BRD9: variants seen among roughly 807,000 people sequenced by gnomAD.
BRD9 encodes the protein bromodomain containing 9.
A neutral mutation model predicts 68.7 loss-of-function variants in BRD9; 47 were observed. That is an observed-to-expected ratio of 0.68 (90% confidence interval 0.54 to 0.87). The LOEUF is 0.87. BRD9 is among the 40% of genes least tolerant of loss of function. BRD9 has a pLI of 0.00. For missense variants in BRD9, 670 were observed against 748.4 expected (o/e 0.90, Z 1.22); for synonymous variants, 313 against 293.9 (o/e 1.06, Z -0.67).
rs1218268822 is a variant in BRD9, at chr5:869,404, A to G, written c.1525+1069T>C. ...TGATAGATGGCAGGCCCTGAAAGAAACTGAGTATTTTATCTCAAAATATAT... is the reference window on the plus strand; with the variant it reads ...TGATAGATGGCAGGCCCTGAAAGAAGCTGAGTATTTTATCTCAAAATATAT... On this transcript the variant is annotated intron_variant, in intron 14 of 15. Coordinates refer to ENST00000467963, the MANE Select transcript of BRD9 (RefSeq NM_023924.5). 3 of 454,620 alleles carry G rather than the reference A, an allele frequency of 6.6e-6. No homozygotes were observed. In the East Asian group the frequency reaches 2.1e-4, roughly 32 times the overall value. The allele number at this position is 454,620 out of a possible 1,614,324, so 28.2% of individuals were successfully genotyped here.
rs754726254 is a variant in BRD9 at position 889,575 on chromosome 5, GC to G, written c.461+11del. ...CCCCAGACACTAGCTCTTCAGAAAC[GC>G]CCCGGTTTACCTCTGAAGCTGGCGG... is the stretch of plus-strand genomic sequence containing the variant. On this transcript the variant is annotated intron_variant, in intron 4 of 15. Coordinates refer to ENST00000467963, the MANE Select transcript of BRD9 (RefSeq NM_023924.5). 1 of 1,613,184 alleles carries G rather than the reference GC, an allele frequency of 6.2e-7. No homozygotes were observed. Among genetic ancestry groups the G allele is most frequent in the Non-Finnish European group, 8.5e-7 (1 of 1,179,468 alleles).
chr5:869,029 C>T, intron 14 of BRD9: 2 of 259,702 alleles, frequency 7.7e-6, no homozygotes, highest in Non-Finnish European at 1.5e-5. Flanking sequence ...GTCTGTGCTT[C>T]CGACTAACCA....
chr5:876,270 G>A lies in BRD9; in HGVS notation c.1272-58C>T, dbSNP rs1306097677. ...GGAGCCCTTGTCGCCTGGCCCTCGC[G>A]GCAGCCCTGATCACAGAAGCCTGCC... On this transcript the variant is annotated intron_variant, in intron 11 of 15. Transcript: ENST00000467963. The A allele has an allele frequency of 9.6e-6, 13 of 1,359,098 alleles. No individual in the cohort carries two copies. The East Asian group carries it at 1.4e-4, about 15-fold the overall frequency. The allele number at this position is 1,359,098 out of a possible 1,614,324, so 84.2% of individuals were successfully genotyped here.
intron 1 of BRD9, 181 bp from the exon 2 acceptor site, chr5:892,035 C>T: frequency 9.9e-7 from 1 of 1,005,412 alleles, no homozygotes; most frequent in Non-Finnish European, 1.4e-6. Context: ...CCTTGTTCTC[C>T]CTTCCCCTCC....
rs374226502 is a variant in BRD9, at chr5:864,530, C to A, written c.1732G>T (p.Val578Phe). 2.1e-5 allele frequency: 34 copies of A among 1,614,020 alleles called. No homozygotes were observed. The highest frequency in any genetic ancestry group is 2.9e-5 in the Non-Finnish European group (34 of 1,179,938). Residue 578 changes from valine (V) to phenylalanine (F), a missense_variant, in exon 16 of 16, where the codon GTC becomes TTC. Around this residue, in one of 5 missense-constraint regions of BRD9, gnomAD observed 280 missense variants for 281.5 expected, o/e 0.99. Transcript: ENST00000467963. ...SRLSVGEQPDVTHDPYEFLQS... is the reference protein window; with the variant it reads ...SRLSVGEQPDFTHDPYEFLQS... ...AGAAACTCATAGGGGTCGTGGGTGA[C>A]GTCTGGCTGCTCCCCGACACTCAGG...
At chr5:888,801 T>C (rs1752935704) in intron 5 of BRD9, among the ~76,000 whole-genome samples, 1 of 152,190 alleles carries the variant, frequency 6.6e-6, no homozygotes, top group Non-Finnish European at 1.5e-5. Flanking sequence ...GAAACAGACT[T>C]CTAACAGCGT....
At position 892,729 on chromosome 5, in the gene BRD9, GC is replaced by G; in HGVS notation, c.-73del. The G allele has an allele frequency of 8.1e-7, 1 of 1,234,636 alleles. No homozygotes were observed. The allele number at this position is 1,234,636 out of a possible 1,614,324, so 76.5% of individuals were successfully genotyped here. A position where few individuals can be genotyped will look rare whatever the true frequency, so the allele number is the denominator to read the frequency against. ...ACCCGGTCGGACCTTGGCCGCCACC[GC>G]CCCCTGGCCCTGGCTGGCCGCCCGC... On this transcript the variant is annotated 5_prime_UTR_variant, in exon 1 of 16. Transcript: ENST00000467963.
At chr5:892,477 C>T in intron 1 of BRD9, 129 bp downstream of exon 1, 3 of 1,442,536 alleles carry the variant, frequency 2.1e-6, no homozygotes, top group Non-Finnish European at 2.7e-6. Context: ...CCCCCTCCCG[C>T]GTGCCCAGAA....
At chr5:867,080 G>A (rs972992071) in intron 14 of BRD9, among the ~76,000 whole-genome samples, 6 of 152,204 alleles carry the variant, frequency 3.9e-5, no homozygotes, top group South Asian at 2.1e-4. Flanking sequence ...TGGGACATGT[G>A]CCATGGTGCT....
intron 5 of BRD9, among the ~76,000 whole-genome samples, chr5:888,077 G>C (rs1441858515): frequency 6.6e-6 from 1 of 152,198 alleles, no homozygotes; most frequent in Non-Finnish European, 1.5e-5. Flanking sequence ...CATGACCCCG[G>C]AGGCCGGCCA....
chr5:881,289 C>T (rs539349216), intron 8 of BRD9, 107 bp from the exon 9 acceptor site: 85 of 1,102,686 alleles, frequency 7.7e-5, no homozygotes, highest in Non-Finnish European at 9.0e-5. Context: ...GCACATTTGT[C>T]CAAGAACAAA....
chr5:870,530 T>C lies in BRD9; in HGVS notation c.1468A>G (p.Met490Val), dbSNP rs1749990457. Residue 490 changes from methionine to valine, a missense_variant, in exon 14 of 16, where the codon ATG becomes GTG. This residue lies in a region of BRD9 where 280 missense variants were observed against 281.5 expected (regional missense o/e 0.99). Coordinates refer to ENST00000467963, the MANE Select transcript of BRD9 (RefSeq NM_023924.5). ...ACGTCGGGATAGGACTTCATCGACA[T>C]GAACTCCAGAACAGAGCTGCTGCTG... ...GDSSSSVLEF[M>V]SMKSYPDVSV... is the part of the protein sequence containing the mutation. 2 of 1,614,098 alleles carry C rather than the reference T, an allele frequency of 1.2e-6. No homozygotes were observed. The highest frequency in any genetic ancestry group is 2.2e-5 in the South Asian group (2 of 91,090).
At chr5:871,463 G>A in intron 13 of BRD9, 63 bp downstream of exon 13, 1 of 1,502,358 alleles carries the variant, frequency 6.7e-7, no homozygotes, top group South Asian at 1.1e-5. Flanking sequence ...CACCTCAAAG[G>A]CTGGATACAA....
At chr5:870,238 T>A in intron 14 of BRD9, 1 of 480,708 alleles carries the variant, frequency 2.1e-6, no homozygotes, top group Non-Finnish European at 3.8e-6. Context: ...CATCCTGAGG[T>A]TACCCAGGGG....
At chr5:865,611 G>A in intron 14 of BRD9, 30 bp from the exon 15 acceptor site, 1 of 1,561,570 alleles carries the variant, frequency 6.4e-7, no homozygotes, top group Non-Finnish European at 8.7e-7. Context: ...CCCCACGTCG[G>A]CTGAGCTCAG....
intron 7 of BRD9, 31 bp downstream of exon 7, chr5:886,561 A>G (rs1225665141): frequency 1.3e-6 from 2 of 1,596,106 alleles, no homozygotes; most frequent in Non-Finnish European, 1.7e-6. Flanking sequence ...CTCAACTCCA[A>G]AAGCAAATGT....
chr5:886,575 T>G lies in BRD9; in HGVS notation c.833+17A>C. 6.2e-7 allele frequency: 1 copy of G among 1,606,016 alleles called. No individual in the cohort carries two copies. The highest frequency in any genetic ancestry group is 8.5e-7 in the Non-Finnish European group (1 of 1,175,412). On this transcript the variant is annotated intron_variant, in intron 7 of 15. Transcript: ENST00000467963. ...GCTCAACTCCAAAAGCAAATGTGGT[T>G]TCCACAGAACCTTTACCTGATAACT...
At chr5:892,333 C>A (rs1560937821) in intron 1 of BRD9, 2 of 697,948 alleles carry the variant, frequency 2.9e-6, no homozygotes, top group Non-Finnish European at 4.4e-6. Context: ...CAAAAGCCAG[C>A]ACAGATGCTT....
intron 3 of BRD9, among the ~76,000 whole-genome samples, chr5:890,296 TCAGA>T (rs757517924): frequency 5.7e-4 from 87 of 152,318 alleles, no homozygotes; most frequent in Admixed American, 9.8e-4. Flanking sequence ...CCAGCAGGCC[TCAGA>T]CAGTTTCTGA....
Sources: allele counts gnomAD v4.1 joint callset (sites outside exome capture counted in the v4.1 genomes callset), GRCh38; gene constraint gnomAD v4.1.1; regional missense constraint gnomAD v4.1.1; transcripts MANE v1.5; gene names NCBI Gene and HGNC (gene_info 2026-07-23, HGNC 2026-07-21).